Variants in ZNHIT3 observed in about 807,000 individuals in gnomAD.
ZNHIT3 encodes zinc finger HIT-type containing 3, also known as zinc finger HIT domain-containing protein 3.
A neutral mutation model predicts 19.9 loss-of-function variants in ZNHIT3; 27 were observed. The observed-to-expected ratio is 1.36, with a 90% CI of 1.00 to 1.87. The LOEUF is 1.87. Ranked by LOEUF, ZNHIT3 falls within the 40% of genes most tolerant of loss-of-function variation. The pLI is 0.00. For missense variants in ZNHIT3, 215 were observed against 185.6 expected (o/e 1.16, Z -0.92); for synonymous variants, 81 against 65.7 (o/e 1.23, Z -1.13).
downstream of ZNHIT3, chr17:36,499,105 T>C: frequency 6.2e-7 from 1 of 1,610,640 alleles, no homozygotes; most frequent in Non-Finnish European, 8.5e-7. Flanking sequence ...GCTTGATGAC[T>C]GTGGCAGCTG....
At chr17:36,490,085 T>G (rs887256464) in intron 2 of ZNHIT3, 1 of 152,158 alleles carries the variant, frequency 6.6e-6, no homozygotes, top group Non-Finnish European at 1.5e-5. Flanking sequence ...AGCTTTTTTG[T>G]GTAATAGAAT....
chr17:36,495,713 A>AG lies in ZNHIT3; in HGVS notation c.*309_*310insG, dbSNP rs2070907279. The AG allele has an allele frequency of 1.6e-6, 2 of 1,252,340 alleles. No homozygotes were observed. Among genetic ancestry groups the AG allele is most frequent in the East Asian group, 6.1e-5 (2 of 32,798 alleles). 77.6% of individuals were successfully genotyped at this position (1,252,340 alleles called of 1,614,324 possible). A position where few individuals can be genotyped will look rare whatever the true frequency, so the allele number is the denominator to read the frequency against. ...TCAAGCTTACACTTCATATGGAGTT[A>AG]AACTTGGTCAGTGTTAATAAAATCA... is the stretch of plus-strand genomic sequence containing the variant. On this transcript the variant is annotated 3_prime_UTR_variant, in exon 5 of 5. Coordinates refer to ENST00000617429, the MANE Select transcript of ZNHIT3 (RefSeq NM_004773.4).
At chr17:36,498,202 C>A, downstream of ZNHIT3, 1 of 1,546,062 alleles carries the variant, frequency 6.5e-7, no homozygotes, top group Admixed American at 1.7e-5. Flanking sequence ...CCGCTGTGAA[C>A]TTGTAGGCTT....
chr17:36,498,169 T>C (rs1363889126), downstream of ZNHIT3: 1 of 1,393,846 alleles, frequency 7.2e-7, no homozygotes, highest in South Asian at 1.3e-5. Flanking sequence ...GGGATGGATC[T>C]TGTCCCAGCC....
At chr17:36,496,111 G>A (rs1295320954), downstream of ZNHIT3, 2 of 1,199,108 alleles carry the variant, frequency 1.7e-6, no homozygotes, top group Non-Finnish European at 2.4e-6. Flanking sequence ...ACGGGGCTCT[G>A]GGTCGAAGGC....
Position 36,495,508 on chromosome 17 carries a change from G to C in ZNHIT3, c.*104G>C, listed in dbSNP as rs1253472013. 1.1e-5 allele frequency: 15 copies of C among 1,401,854 alleles called. No individual in the cohort carries two copies. The highest frequency in any genetic ancestry group is 1.3e-5 in the Non-Finnish European group (14 of 1,080,832). The allele number at this position is 1,401,854 out of a possible 1,614,324, so 86.8% of individuals were successfully genotyped here. A position where few individuals can be genotyped will look rare whatever the true frequency, so the allele number is the denominator to read the frequency against. ...TTGGGGCTGGGGAGCTCAGGCAAAAGAGGTTTCCAGGATGCAGATTAGGTC... is the reference window on the plus strand; with the variant it reads ...TTGGGGCTGGGGAGCTCAGGCAAAACAGGTTTCCAGGATGCAGATTAGGTC... On this transcript the variant is annotated 3_prime_UTR_variant, in exon 5 of 5. Transcript: ENST00000617429.
downstream of ZNHIT3, chr17:36,496,412 G>T: frequency 1.2e-6 from 2 of 1,613,836 alleles, no homozygotes; most frequent in South Asian, 2.2e-5. Context: ...GATCCCTAGA[G>T]GGGAGAGAGA....
At chr17:36,498,334 G>C, downstream of ZNHIT3, 1 of 1,613,994 alleles carries the variant, frequency 6.2e-7, no homozygotes, top group Non-Finnish European at 8.5e-7. Context: ...TAGCTACTGG[G>C]GCTGCCCCTG....
At chr17:36,487,474 T>A (rs974219714) in intron 2 of ZNHIT3, among the ~76,000 whole-genome samples, 1 of 152,246 alleles carries the variant, frequency 6.6e-6, no homozygotes, top group Admixed American at 6.5e-5. Flanking sequence ...CTGTGTATGA[T>A]GTGAACACAC....
chr17:36,498,656 G>T, downstream of ZNHIT3: 1 of 1,391,168 alleles, frequency 7.2e-7, no homozygotes, highest in Non-Finnish European at 9.5e-7. Context: ...ATCTTAACAA[G>T]GTGAACTGAA....
Position 36,495,727 on chromosome 17 carries a change from TTAA to T in ZNHIT3, c.*327_*329del, listed in dbSNP as rs769573165. 7.9e-5 allele frequency: 99 copies of T among 1,248,004 alleles called. No individual in the cohort carries two copies. Among genetic ancestry groups the T allele is most frequent in the Middle Eastern group, 3.1e-4 (1 of 3,248 alleles). 77.3% of individuals were successfully genotyped at this position (1,248,004 alleles called of 1,614,324 possible). On this transcript the variant is annotated 3_prime_UTR_variant, in exon 5 of 5. Transcript: ENST00000617429. ...CATATGGAGTTAAACTTGGTCAGTG[TTAA>T]TAAAATCAAAACGTGATTCTACTGT...
intron 1 of ZNHIT3, 24 bp from the exon 2 acceptor site, chr17:36,486,911 G>C (rs1179047443): frequency 1.2e-5 from 19 of 1,604,100 alleles, no homozygotes; most frequent in Non-Finnish European, 1.5e-5. Flanking sequence ...GGGCTGACGC[G>C]GCCTGTGGCC....
In ZNHIT3 at chr17:36,495,174, T is replaced by C. The variant is rs1356629010; in HGVS notation, c.287-49T>C. 5 of 1,526,252 alleles carry C rather than the reference T, an allele frequency of 3.3e-6. No homozygotes were observed. In the East Asian group the frequency reaches 9.2e-5, roughly 28 times the overall value. 94.5% of individuals were successfully genotyped at this position (1,526,252 alleles called of 1,614,324 possible). A position where few individuals can be genotyped will look rare whatever the true frequency, so the allele number is the denominator to read the frequency against. On this transcript the variant is annotated intron_variant, in intron 4 of 4. Coordinates refer to ENST00000617429, the MANE Select transcript of ZNHIT3 (RefSeq NM_004773.4). The stretch of plus-strand genomic sequence containing the variant: ...GCTCTTCACTTTTCAGCCATCTCCA[T>C]GTGTTTCCACTTGAACTCAGACTGG...
At chr17:36,498,949 CAGAG>C, downstream of ZNHIT3, 3 of 715,418 alleles carry the variant, frequency 4.2e-6, no homozygotes, top group Non-Finnish European at 7.2e-6. Context: ...ATATGAGGCT[CAGAG>C]AGGCTAAACA....
intron 2 of ZNHIT3, among the ~76,000 whole-genome samples, chr17:36,487,437 TAAGAG>T (rs2142511211): frequency 6.6e-6 from 1 of 152,254 alleles, no homozygotes; most frequent in East Asian, 1.9e-4. Context: ...CTTGATTTGT[TAAGAG>T]AAAAAAAGAA....
chr17:36,495,113 C>G (rs1048798245), intron 4 of ZNHIT3, 110 bp from the exon 5 acceptor site: 1 of 1,375,412 alleles, frequency 7.3e-7, no homozygotes, highest in African/African-American at 1.5e-5. Flanking sequence ...GCATGAGCCA[C>G]CACACCTTGC....
At chr17:36,497,330 A>C (rs1386928115), downstream of ZNHIT3, among the ~76,000 whole-genome samples, 1 of 151,708 alleles carries the variant, frequency 6.6e-6, no homozygotes, top group Non-Finnish European at 1.5e-5. Context: ...GAAAAAAAAA[A>C]AAAACCCACA....
At chr17:36,497,061 G>A (rs2071043225), downstream of ZNHIT3, among the ~76,000 whole-genome samples, 1 of 152,034 alleles carries the variant, frequency 6.6e-6, no homozygotes, top group Non-Finnish European at 1.5e-5. Context: ...TGGGCACGGT[G>A]GCTCACACCT....
rs775378543 is a variant in ZNHIT3 at position 36,492,877 on chromosome 17, C to T, written c.183C>T (p.Thr61=). Residue 61 remains threonine, a synonymous_variant, in exon 3 of 5, where the codon ACC becomes ACT. Transcript: ENST00000617429. The part of the protein sequence containing the change: ...KKIRSALPTK[T]VKPVENKDDD... The stretch of plus-strand genomic sequence containing the variant: ...TAAGATCAGCTCTTCCTACCAAAAC[C>T]GTAAAGCCTGTGGAAAACAAAGGTG... 1.1e-5 allele frequency: 17 copies of T among 1,614,160 alleles called. No individual in the cohort carries two copies. The highest frequency in any genetic ancestry group is 7.7e-5 in the South Asian group (7 of 91,086).
Sources: allele counts gnomAD v4.1 joint callset (sites outside exome capture counted in the v4.1 genomes callset), GRCh38; gene constraint gnomAD v4.1.1; transcripts MANE v1.5; gene names NCBI Gene and HGNC (gene_info 2026-07-23, HGNC 2026-07-21).